Variants in L1TD1 observed in about 807,000 individuals in gnomAD.
The protein encoded by L1TD1 is LINE-1 type transposase domain-containing protein 1.
Under a neutral mutation model 25.7 loss-of-function variants are expected in L1TD1, and 26 were observed. The ratio of observed to expected loss-of-function variants is 1.01; its 90% CI spans 0.74 to 1.40. The LOEUF (loss-of-function observed/expected upper bound fraction) is 1.40, where lower values mean the gene tolerates loss of function less well. Ranked by LOEUF, L1TD1 falls within the 40% of genes most tolerant of loss-of-function variation. The pLI, the probability that L1TD1 is intolerant of heterozygous loss-of-function variation, is 0.00. For missense variants in L1TD1, 1,130 were observed against 975.0 expected, an observed-to-expected ratio of 1.16 and a Z score of -2.12; for synonymous variants, 421 against 335.6, an observed-to-expected ratio of 1.25 and a Z score of -2.78.
In L1TD1 at chr1:62,196,520, T is replaced by C. The variant is rs935177523; in HGVS notation, c.-119T>C. 6.6e-6 allele frequency: 1 copy of C among 151,242 alleles called. No individual in the cohort carries two copies. The highest frequency in any genetic ancestry group is 2.4e-5 in the African/African-American group (1 of 41,046). 9.4% of individuals were successfully genotyped at this position (151,242 alleles called of 1,614,324 possible). On this transcript the variant is annotated 5_prime_UTR_variant, in exon 2 of 4. An upstream open reading frame in the 5' UTR loses its in-frame stop. Coordinates refer to ENST00000498273, the MANE Select transcript of L1TD1 (RefSeq NM_019079.5). ...GAAGGTACAGAGGCGGATGAACTGC[T>C]GAGACTTGGTAAGTAGTTTAGTGGA...
rs12130050 is a variant in L1TD1, at chr1:62,211,446, A to G, written c.*74A>G. On this transcript the variant is annotated 3_prime_UTR_variant, in exon 4 of 4. Transcript: ENST00000498273. Reference sequence around the variant, plus strand: ...CCAAAAATCAACAAGTAAAACGAAAATACACTTCTACCCAGAAGGATGGAC... The same window carrying G: ...CCAAAAATCAACAAGTAAAACGAAAGTACACTTCTACCCAGAAGGATGGAC... 0.26 allele frequency: 394,181 copies of G among 1,514,804 alleles called. 55,470 individuals are homozygous for G. Among genetic ancestry groups the G allele is most frequent in the Admixed American group, 0.34 (14,874 of 44,244 alleles). The allele number at this position is 1,514,804 out of a possible 1,614,324, so 93.8% of individuals were successfully genotyped here. A position where few individuals can be genotyped will look rare whatever the true frequency, so the allele number is the denominator to read the frequency against.
intron 3 of L1TD1, among the ~76,000 whole-genome samples, chr1:62,209,535 A>G (rs1670815517): frequency 6.6e-6 from 1 of 152,162 alleles, no homozygotes; most frequent in East Asian, 1.9e-4. Context: ...AAGAAAGTAG[A>G]CATTATGACC....
At position 62,197,397 on chromosome 1, in the gene L1TD1, T is replaced by TTTTATATATATATATA. The variant is rs1269544269; in HGVS notation, c.-111+870_-111+871insTTATATATATATATAT. ...GAGACGCCCTCTCAAAAAAAATAAA[T>TTTTATATATATATATA]TATATATATATATATATATATATAT... is the stretch of plus-strand genomic sequence containing the variant. On this transcript the variant is annotated intron_variant, in intron 2 of 3. Coordinates refer to ENST00000498273, the MANE Select transcript of L1TD1 (RefSeq NM_019079.5). 6.2e-4 allele frequency among the ~76,000 whole-genome samples: 50 copies of TTTTATATATATATATA among 80,778 alleles called. No individual in the cohort carries two copies. In the East Asian group the frequency reaches 6.9e-3, roughly 11 times the overall value. The allele number at this position is 80,778 out of a possible 152,430, so 53.0% of individuals were successfully genotyped here.
intron 2 of L1TD1, among the ~76,000 whole-genome samples, chr1:62,199,110 G>A (rs1670595977): frequency 6.6e-6 from 1 of 152,160 alleles, no homozygotes; most frequent in African/African-American, 2.4e-5. Flanking sequence ...GAGTGCCTGG[G>A]TAGTGTCTGG....
intron 2 of L1TD1, among the ~76,000 whole-genome samples, chr1:62,206,039 C>A (rs1438313826): frequency 6.6e-6 from 1 of 152,154 alleles, no homozygotes; most frequent in Non-Finnish European, 1.5e-5. Context: ...CCAAGAAAGT[C>A]ATTTTGAATT....
At chr1:62,198,514 C>T (rs113919980) in intron 2 of L1TD1, among the ~76,000 whole-genome samples, 1,658 of 150,334 alleles carry the variant, frequency 0.011, 24 homozygotes, top group African/African-American at 0.039. Context: ...ACACACACAC[C>T]GACCCCCCGC....
intron 2 of L1TD1, among the ~76,000 whole-genome samples, chr1:62,201,670 C>A (rs113644825): frequency 0.016 from 2,408 of 152,136 alleles, 60 homozygotes; most frequent in African/African-American, 0.055. Flanking sequence ...GTAAAAACTT[C>A]AGTATGTAGC....
In L1TD1 at chr1:62,210,250, A is replaced by G; in HGVS notation, c.1476A>G (p.Val492=). ...EEGKSSETGK[V]KTTSLTEKKA... is the part of the protein sequence containing the mutation. ...GAAAGAGCTCTGAAACAGGAAAGGT[A>G]AAGACTACCTCCCTGACTGAGAAAA... The change falls in exon 4 of 4, where the codon GTA becomes GTG. Residue 492 remains valine (V), a synonymous_variant. Coordinates refer to ENST00000498273, the MANE Select transcript of L1TD1 (RefSeq NM_019079.5). 1.2e-6 allele frequency: 2 copies of G among 1,614,160 alleles called. No homozygotes were observed. Among genetic ancestry groups the G allele is most frequent in the Non-Finnish European group, 1.7e-6 (2 of 1,180,038 alleles).
intron 3 of L1TD1, 98 bp downstream of exon 3, chr1:62,207,734 T>TG (rs1394795932): frequency 1.5e-6 from 2 of 1,378,560 alleles, no homozygotes; most frequent in Non-Finnish European, 1.9e-6. Context: ...TTTCTTGAGA[T>TG]GGAGTTTCGC....
At chr1:62,199,786 C>T (rs72679732) in intron 2 of L1TD1, among the ~76,000 whole-genome samples, 128 of 152,234 alleles carry the variant, frequency 8.4e-4, no homozygotes, top group Admixed American at 1.6e-3. Context: ...GATAATAGGG[C>T]ACTGGCCAGA....
rs752133168 is a variant in L1TD1, at chr1:62,210,649, CAG to C, written c.1881_1882del (p.Glu627AspfsTer19). ...TGAGAAGTAGTGTGATTAATAGCAT[CAG>C]AGAGATAAAAGAGGAGATTGGAAAT... ...NLRSSVINSI[R>X]EIKEEIGNLK... On this transcript the variant is annotated frameshift_variant, in exon 4 of 4. Transcript: ENST00000498273. LOFTEE classifies it low-confidence loss of function (END_TRUNC). 2.8e-5 allele frequency: 44 copies of C among 1,571,902 alleles called. No homozygotes were observed. In the South Asian group the frequency reaches 3.2e-4, roughly 12 times the overall value.
intron 3 of L1TD1, 38 bp from the exon 4 acceptor site, chr1:62,209,745 C>A: frequency 1.4e-6 from 2 of 1,385,644 alleles, no homozygotes; most frequent in South Asian, 1.5e-5. Flanking sequence ...ATGATTTAAA[C>A]AAATAACTCT....
rs1297750882 is a variant in L1TD1, at chr1:62,205,439, A to ATTTTTTTTTTTTTTTT, written c.-110-1079_-110-1078insTTTTTTTTTTTTTTTT. Among the ~76,000 whole-genome samples the ATTTTTTTTTTTTTTTT allele has an allele frequency of 5.8e-3, 256 of 44,014 alleles. 9 individuals are homozygous for ATTTTTTTTTTTTTTTT. The highest frequency in any genetic ancestry group is 0.012 in the Middle Eastern group (1 of 84). 28.9% of individuals were successfully genotyped at this position (44,014 alleles called of 152,430 possible). ...TCTCTATATATATATATATATATAT[A>ATTTTTTTTTTTTTTTT]TATATTTTTTTTTAGACAGTCTTGC... On this transcript the variant is annotated intron_variant, in intron 2 of 3. Coordinates refer to ENST00000498273, the MANE Select transcript of L1TD1 (RefSeq NM_019079.5).
Position 62,211,498 on chromosome 1 carries a change from A to G in L1TD1, c.*126A>G. 1 of 1,446,472 alleles carries G rather than the reference A, an allele frequency of 6.9e-7. No individual in the cohort carries two copies. Among genetic ancestry groups the G allele is most frequent in the East Asian group, 2.3e-5 (1 of 43,590 alleles). 89.6% of individuals were successfully genotyped at this position (1,446,472 alleles called of 1,614,324 possible). ...GCTAATAGCGTACTTGGGGATGAGG[A>G]GCAAGGAATATTACAGATATTACCT... On this transcript the variant is annotated 3_prime_UTR_variant, in exon 4 of 4. Coordinates refer to ENST00000498273, the MANE Select transcript of L1TD1 (RefSeq NM_019079.5).
intron 2 of L1TD1, among the ~76,000 whole-genome samples, chr1:62,205,429 A>ATTTTTTTTTTTTTT (rs1557443570): frequency 2.7e-5 from 1 of 36,860 alleles, no homozygotes; most frequent in Non-Finnish European, 6.7e-5. Context: ...ATATATATAT[A>ATTTTTTTTTTTTTT]TATATATATA....
At chr1:62,198,836 C>T (rs1429497233) in intron 2 of L1TD1, among the ~76,000 whole-genome samples, 4 of 151,944 alleles carry the variant, frequency 2.6e-5, no homozygotes, top group African/African-American at 9.7e-5. Flanking sequence ...TCTCCGGTCT[C>T]CCTAATCACT....
chr1:62,195,387 A>G (rs1670514525), intron 1 of L1TD1, among the ~76,000 whole-genome samples: 1 of 152,262 alleles, frequency 6.6e-6, no homozygotes, highest in Admixed American at 6.5e-5. Flanking sequence ...AATTGGAAAC[A>G]TGAAAGTAGT....
At chr1:62,198,333 A>G (rs1670581880) in intron 2 of L1TD1, among the ~76,000 whole-genome samples, 1 of 151,926 alleles carries the variant, frequency 6.6e-6, no homozygotes, top group South Asian at 2.1e-4. Flanking sequence ...CAAAAAAAAA[A>G]GCAAAAACAC....
At chr1:62,201,968 C>G (rs1182512902) in intron 2 of L1TD1, among the ~76,000 whole-genome samples, 1 of 152,164 alleles carries the variant, frequency 6.6e-6, no homozygotes, top group African/African-American at 2.4e-5. Flanking sequence ...TGATTAGATT[C>G]AGACACTACT....
Sources: allele counts gnomAD v4.1 joint callset (sites outside exome capture counted in the v4.1 genomes callset), GRCh38; gene constraint gnomAD v4.1.1; transcripts MANE v1.5; gene names NCBI Gene and HGNC (gene_info 2026-07-23, HGNC 2026-07-21).